SLC35B3: variants seen among roughly 807,000 people sequenced by gnomAD.
SLC35B3 encodes adenosine 3'-phospho 5'-phosphosulfate transporter 2.
Under a neutral mutation model 44.1 loss-of-function variants are expected in SLC35B3, and 35 were observed. The observed-to-expected ratio is 0.79, with a 90% CI of 0.61 to 1.05. The LOEUF (loss-of-function observed/expected upper bound fraction) is 1.05, where lower values mean the gene tolerates loss of function less well. SLC35B3 is among the 50% of genes least tolerant of loss of function. SLC35B3 has a pLI of 0.00. For synonymous variants in SLC35B3, 146 were observed against 167.3 expected, an observed-to-expected ratio of 0.87 and a Z score of 0.98; for missense variants, 414 against 476.4, an observed-to-expected ratio of 0.87 and a Z score of 1.22.
chr6:8,433,232 A>AC lies in SLC35B3; in HGVS notation c.3+1152dup, dbSNP rs1764158878. ...TTCTTCCCTTTCTGACCCATCTGTC[A>AC]CATGGCTCAACGTGAAGTCTGATCA... On this transcript the variant is annotated intron_variant, in intron 2 of 10. Coordinates refer to ENST00000644923, the MANE Select transcript of SLC35B3 (RefSeq NM_001370476.2). The surrounding 1 kb of genome is among the most constrained non-coding windows in gnomAD (Gnocchi z 4.1). 6.6e-6 allele frequency among the ~76,000 whole-genome samples: 1 copy of AC among 152,198 alleles called. No homozygotes were observed. The highest frequency in any genetic ancestry group is 2.1e-4 in the South Asian group (1 of 4,830).
Position 8,413,345 on chromosome 6 carries a change from C to A in SLC35B3, c.*204G>T. The A allele has an allele frequency of 2.1e-6, 1 of 472,294 alleles. No homozygotes were observed. The highest frequency in any genetic ancestry group is 3.6e-5 in the East Asian group (1 of 27,696). The allele number at this position is 472,294 out of a possible 1,614,324, so 29.3% of individuals were successfully genotyped here. ...ACATTTTATTGTAAAGTCTGCTAGA[C>A]GTGGCTCTCTTGATTGCTTTGGAAG... is the stretch of plus-strand genomic sequence containing the variant. On this transcript the variant is annotated 3_prime_UTR_variant, in exon 11 of 11. Transcript: ENST00000644923.
chr6:8,413,364 T>C lies in SLC35B3; in HGVS notation c.*185A>G. On this transcript the variant is annotated 3_prime_UTR_variant, in exon 11 of 11. Coordinates refer to ENST00000644923, the MANE Select transcript of SLC35B3 (RefSeq NM_001370476.2). Reference sequence around the variant, plus strand: ...GCTAGACGTGGCTCTCTTGATTGCTTTGGAAGTCAGTCAAACAAATGCTCT... The same window carrying C: ...GCTAGACGTGGCTCTCTTGATTGCTCTGGAAGTCAGTCAAACAAATGCTCT... 3 of 514,472 alleles carry C rather than the reference T, an allele frequency of 5.8e-6. No individual in the cohort carries two copies. Among genetic ancestry groups the C allele is most frequent in the South Asian group, 5.9e-5 (2 of 33,946 alleles). 31.9% of individuals were successfully genotyped at this position (514,472 alleles called of 1,614,324 possible). A position where few individuals can be genotyped will look rare whatever the true frequency, so the allele number is the denominator to read the frequency against.
At position 8,411,625 on chromosome 6, in the gene SLC35B3, T is replaced by TTCA. The variant is rs1304156768; in HGVS notation, c.*1923_*1924insTGA. The stretch of plus-strand genomic sequence containing the variant: ...CACTTGGGAAAAAACAATGGCTGTA[T>TTCA]TTCAGCAAATGGGCAAATGAAAACC... On this transcript the variant is annotated 3_prime_UTR_variant, in exon 11 of 11. Coordinates refer to ENST00000644923, the MANE Select transcript of SLC35B3 (RefSeq NM_001370476.2). 1.3e-5 allele frequency among the ~76,000 whole-genome samples: 2 copies of TTCA among 152,192 alleles called. No homozygotes were observed. The highest frequency in any genetic ancestry group is 2.9e-5 in the Non-Finnish European group (2 of 68,040).
At position 8,430,104 on chromosome 6, in the gene SLC35B3, G is replaced by A; in HGVS notation, c.57C>T (p.Asn19=). The change falls in exon 3 of 11, where the codon AAC becomes AAT. Residue 19 remains asparagine (N), a synonymous_variant. An upstream open reading frame in the 5' UTR gains an earlier in-frame stop. Coordinates refer to ENST00000644923, the MANE Select transcript of SLC35B3 (RefSeq NM_001370476.2). The stretch of plus-strand genomic sequence containing the variant: ...ATTCAATGCTTTCAGAGTTATTTTT[G>A]TTGGTTTCCTGGACTGTTATGTTCT... The A allele has an allele frequency of 3.7e-6, 6 of 1,612,572 alleles. No homozygotes were observed. Among genetic ancestry groups the A allele is most frequent in the Non-Finnish European group, 5.1e-6 (6 of 1,179,244 alleles).
intron 10 of SLC35B3, among the ~76,000 whole-genome samples, chr6:8,414,144 A>G (rs914728829): frequency 5.3e-5 from 8 of 152,166 alleles, no homozygotes; most frequent in Non-Finnish European, 8.8e-5. Context: ...TAGGGGAATC[A>G]TTATAATTAT....
chr6:8,427,774 A>T, intron 4 of SLC35B3, 163 bp downstream of exon 3: 2 of 497,166 alleles, frequency 4.0e-6, no homozygotes, highest in South Asian at 4.2e-5. Context: ...TATTTTTTTC[A>T]GTGTATAAAT....
Position 8,434,540 on chromosome 6 carries a change from C to A in SLC35B3, c.-43-110G>T. ...CCTGTGCTAATGTTTGAAGACTATT[C>A]TTTTTTTTTTCCAAGAGAAAAAGTT... On this transcript the variant is annotated intron_variant, in intron 1 of 10. Transcript: ENST00000644923. The surrounding 1 kb of genome is among the most constrained non-coding windows in gnomAD (Gnocchi z 6.3). 1.3e-6 allele frequency: 1 copy of A among 753,600 alleles called. No homozygotes were observed. Among genetic ancestry groups the A allele is most frequent in the Non-Finnish European group, 1.9e-6 (1 of 521,848 alleles). The allele number at this position is 753,600 out of a possible 1,614,324, so 46.7% of individuals were successfully genotyped here.
At position 8,430,140 on chromosome 6, in the gene SLC35B3, T is replaced by G. The variant is rs1426675245; in HGVS notation, c.21A>C (p.Ala7=). Residue 7 remains alanine (A), a synonymous_variant, in exon 3 of 11, where the codon GCA becomes GCC. Transcript: ENST00000644923. ...GGACTGTTATGTTCTGTATGTCTTT[T>G]GCTTGCTGTGTCAAGTCCTAGAGAA... The G allele has an allele frequency of 1.3e-6, 2 of 1,585,844 alleles. No individual in the cohort carries two copies. The highest frequency in any genetic ancestry group is 2.7e-5 in the African/African-American group (2 of 73,782).
At chr6:8,426,332 A>G (rs1450843054) in intron 4 of SLC35B3, among the ~76,000 whole-genome samples, 1 of 152,204 alleles carries the variant, frequency 6.6e-6, no homozygotes, top group Non-Finnish European at 1.5e-5. Context: ...AATTTTATAG[A>G]ACATTTTTGA....
intron 7 of SLC35B3, among the ~76,000 whole-genome samples, chr6:8,417,878 T>A (rs531366537): frequency 6.6e-6 from 1 of 152,264 alleles, no homozygotes; most frequent in Admixed American, 6.5e-5. Flanking sequence ...CATTAAAATA[T>A]AATGAAAATA....
chr6:8,417,278 G>A (rs1320680357), intron 8 of SLC35B3, 124 bp downstream of exon 7: 2 of 657,992 alleles, frequency 3.0e-6, no homozygotes, highest in African/African-American at 1.9e-5. Context: ...ATTTCCGATT[G>A]GCATGTTATG....
chr6:8,429,448 A>G (rs1008139776), intron 3 of SLC35B3, among the ~76,000 whole-genome samples: 10 of 152,184 alleles, frequency 6.6e-5, no homozygotes, highest in Admixed American at 2.0e-4. Context: ...GATTAAAGAG[A>G]TACCTTTAGA....
Position 8,434,417 on chromosome 6 carries a change from G to T in SLC35B3, c.-30C>A, listed in dbSNP as rs377765054. On this transcript the variant is annotated 5_prime_UTR_variant, in exon 2 of 11. Transcript: ENST00000644923. The surrounding 1 kb of genome is among the most constrained non-coding windows in gnomAD (Gnocchi z 6.3). ...TTATGCCTTGATTAACTGCGCTCCG[G>T]AATCAATCATGGCCTATGGTGTACG... 1 of 1,612,292 alleles carries T rather than the reference G, an allele frequency of 6.2e-7. No individual in the cohort carries two copies. Among genetic ancestry groups the T allele is most frequent in the East Asian group, 2.2e-5 (1 of 44,730 alleles).
Position 8,414,932 on chromosome 6 carries a change from A to C in SLC35B3, c.1031T>G (p.Phe344Cys), listed in dbSNP as rs1762282254. Residue 344 changes from phenylalanine to cysteine, a missense_variant, in exon 10 of 11, where the codon TTC (phenylalanine) becomes TGC (cysteine). Transcript: ENST00000644923. ...CTGAAACGTGAATGGTTTAGCAAAG[A>C]ATATAAACGAAAGTACAATGGTCAT... is the stretch of plus-strand genomic sequence containing the variant. 6.2e-7 allele frequency: 1 copy of C among 1,605,698 alleles called. No individual in the cohort carries two copies.
intron 4 of SLC35B3, among the ~76,000 whole-genome samples, chr6:8,427,087 G>C (rs906400308): frequency 6.6e-6 from 1 of 152,160 alleles, no homozygotes; most frequent in African/African-American, 2.4e-5. Context: ...AAGGTAATTG[G>C]GTGCTGTTGA....
intron 10 of SLC35B3, among the ~76,000 whole-genome samples, chr6:8,414,112 A>G (rs1451371142): frequency 1.3e-5 from 2 of 152,162 alleles, no homozygotes; most frequent in African/African-American, 2.4e-5. Context: ...AAGGAATAAA[A>G]AGAGAAACAT....
chr6:8,430,247 A>G, intron 2 of SLC35B3, 90 bp from the exon 2 acceptor site: 1 of 1,197,918 alleles, frequency 8.3e-7, no homozygotes, highest in Non-Finnish European at 1.2e-6. Flanking sequence ...AGTTATACAA[A>G]TGTCTGCTTC....
Position 8,434,270 on chromosome 6 carries a change from C to T in SLC35B3, c.3+115G>A, listed in dbSNP as rs1231272681. ...TTTCCGACCTGAAGGACAAAAGTCC[C>T]ACACCAAAAAAAGGTAGAATATGAA... On this transcript the variant is annotated intron_variant, in intron 2 of 10. Transcript: ENST00000644923. This position sits in a 1 kb window ranked among gnomAD's most constrained non-coding sequence, Gnocchi z 6.3. The T allele has an allele frequency of 1.5e-5, 14 of 962,752 alleles. No homozygotes were observed. Among genetic ancestry groups the T allele is most frequent in the Non-Finnish European group, 4.9e-6 (3 of 616,644 alleles). The allele number at this position is 962,752 out of a possible 1,614,324, so 59.6% of individuals were successfully genotyped here.
chr6:8,417,406 G>C lies in SLC35B3; in HGVS notation c.869C>G (p.Ala290Gly), dbSNP rs137936752. 6.3e-7 allele frequency: 1 copy of C among 1,574,952 alleles called. No homozygotes were observed. Among genetic ancestry groups the C allele is most frequent in the Non-Finnish European group, 8.6e-7 (1 of 1,157,952 alleles). ...TTAAATGTGATTAGTGTTTACCTTT[G>C]CACAAAATGTTACTGCAGGGCCTAA... Residue 290 changes from alanine (A) to glycine (G), a missense_variant, in exon 8 of 11, where the codon GCA becomes GGA. Coordinates refer to ENST00000644923, the MANE Select transcript of SLC35B3 (RefSeq NM_001370476.2).
Sources: gnomAD v4.1 joint callset for allele counts (sites outside exome capture counted in the v4.1 genomes callset) on GRCh38, gnomAD v4.1.1 for gene constraint, Gnocchi (gnomAD v3.1) non-coding constraint, MANE v1.5 for transcripts, NCBI Gene and HGNC (gene_info 2026-07-23, HGNC 2026-07-21) for gene names.